ATP2C1: variants seen among roughly 807,000 people sequenced by gnomAD.
ATP2C1 encodes ATPase secretory pathway Ca2+ transporting 1.
In ATP2C1, 31 loss-of-function variants were observed where a neutral mutation model predicts 120.5. The observed-to-expected ratio is 0.26, with a 90% CI of 0.19 to 0.35. The LOEUF (loss-of-function observed/expected upper bound fraction) is 0.35, where lower values mean the gene tolerates loss of function less well. Ranked by LOEUF, ATP2C1 falls within the 10% of genes least tolerant of loss-of-function variation. ATP2C1 has a pLI of 1.00. For synonymous variants in ATP2C1, 351 were observed against 358.7 expected, an observed-to-expected ratio of 0.98 and a Z score of 0.24; for missense variants, 731 against 1,107.5, an observed-to-expected ratio of 0.66 and a Z score of 4.83.
At chr3:130,886,011 T>A (rs1365135148) in intron 1 of ATP2C1, among the ~76,000 whole-genome samples, 1 of 152,224 alleles carries the variant, frequency 6.6e-6, no homozygotes, top group African/African-American at 2.4e-5. Flanking sequence ...TAACATTTAT[T>A]TTAGGACAAA....
chr3:131,010,991 T>C (rs913550011), intron 26 of ATP2C1, among the ~76,000 whole-genome samples: 2 of 152,252 alleles, frequency 1.3e-5, no homozygotes, highest in African/African-American at 4.8e-5. Flanking sequence ...CTTGTTATTG[T>C]ATCTTTTACA....
At chr3:130,879,413 G>T (rs1264181052) in intron 1 of ATP2C1, among the ~76,000 whole-genome samples, 2 of 151,902 alleles carry the variant, frequency 1.3e-5, no homozygotes, top group African/African-American at 4.8e-5. Flanking sequence ...TACCTCTGTT[G>T]AATTTTTCAT....
chr3:130,976,375 C>T (rs1412811934), intron 18 of ATP2C1, among the ~76,000 whole-genome samples: 1 of 152,094 alleles, frequency 6.6e-6, no homozygotes, highest in African/African-American at 2.4e-5. Flanking sequence ...TGCCATTGCC[C>T]TTCTCTCTGA....
intron 26 of ATP2C1, chr3:131,014,457 A>G (rs2063493097): frequency 1.1e-5 from 16 of 1,424,674 alleles, no homozygotes; most frequent in Non-Finnish European, 1.5e-5. Flanking sequence ...TACCATTGAC[A>G]TAGCTTCAAC....
intron 2 of ATP2C1, among the ~76,000 whole-genome samples, chr3:130,923,577 C>T (rs2059063044): frequency 6.7e-6 from 1 of 149,914 alleles, no homozygotes; most frequent in African/African-American, 2.4e-5. Flanking sequence ...ATAAGAATAA[C>T]TACTTCTAGG....
Position 131,002,296 on chromosome 3 carries a change from T to A in ATP2C1, c.*946T>A. On this transcript the variant is annotated 3_prime_UTR_variant, in exon 28 of 28. Coordinates refer to ENST00000510168, the MANE Select transcript of ATP2C1 (RefSeq NM_001378687.1). ...ATTATTTTTACTGTTATGTATGTTT[T>A]TAATCATATTTCTTAGGAAGTATAG... 1.0e-6 allele frequency: 1 copy of A among 980,920 alleles called. No individual in the cohort carries two copies. Among genetic ancestry groups the A allele is most frequent in the Non-Finnish European group, 1.2e-6 (1 of 825,800 alleles). 60.8% of individuals were successfully genotyped at this position (980,920 alleles called of 1,614,324 possible).
At chr3:130,942,809 T>C (rs2059979950) in intron 8 of ATP2C1, among the ~76,000 whole-genome samples, 1 of 152,206 alleles carries the variant, frequency 6.6e-6, no homozygotes, top group African/African-American at 2.4e-5. Context: ...TTCCTAATAT[T>C]TTGCCGATGA....
chr3:130,871,420 C>A (rs1421404904), intron 1 of ATP2C1, among the ~76,000 whole-genome samples: 1 of 152,228 alleles, frequency 6.6e-6, no homozygotes, highest in Non-Finnish European at 1.5e-5. Flanking sequence ...TGCTGGGCCC[C>A]ACCTCCAGAG....
chr3:130,902,284 GTTTT>G (rs1157956407), intron 2 of ATP2C1, among the ~76,000 whole-genome samples: 4 of 65,504 alleles, frequency 6.1e-5, no homozygotes, highest in African/African-American at 2.3e-4. Flanking sequence ...AAGGCTTCAC[GTTTT>G]TTTTTTTTGT....
chr3:130,936,458 C>G (rs2059674260), intron 5 of ATP2C1, among the ~76,000 whole-genome samples: 1 of 152,174 alleles, frequency 6.6e-6, no homozygotes, highest in Non-Finnish European at 1.5e-5. Context: ...GTAACTAGCA[C>G]TTGAGTTTTG....
chr3:130,949,720 A>G (rs2108515813), intron 8 of ATP2C1, among the ~76,000 whole-genome samples: 2 of 152,104 alleles, frequency 1.3e-5, no homozygotes, highest in East Asian at 1.9e-4. Context: ...TATCGTTTTC[A>G]GTAATACGTA....
chr3:130,946,373 G>A (rs1417707554), intron 8 of ATP2C1, among the ~76,000 whole-genome samples: 1 of 152,196 alleles, frequency 6.6e-6, no homozygotes, highest in Non-Finnish European at 1.5e-5. Flanking sequence ...AGTTTCTGGT[G>A]TTTTCAGGGC....
intron 1 of ATP2C1, among the ~76,000 whole-genome samples, chr3:130,881,440 C>T (rs1011865680): frequency 6.6e-5 from 10 of 152,004 alleles, no homozygotes; most frequent in African/African-American, 2.2e-4. Flanking sequence ...CTCACCACAG[C>T]CTTGTCCTCC....
rs1024903119 is a variant in ATP2C1 at position 131,002,737 on chromosome 3, C to T, written c.*1387C>T. ...TTATAATCTGTCAGGATGAACCACT[C>T]CTTAGCTTTTATCCAATATTAAACT... is the stretch of plus-strand genomic sequence containing the variant. On this transcript the variant is annotated 3_prime_UTR_variant, in exon 28 of 28. Coordinates refer to ENST00000510168, the MANE Select transcript of ATP2C1 (RefSeq NM_001378687.1). 3.0e-6 allele frequency: 3 copies of T among 985,332 alleles called. No homozygotes were observed. The highest frequency in any genetic ancestry group is 3.6e-6 in the Non-Finnish European group (3 of 829,858). 61.0% of individuals were successfully genotyped at this position (985,332 alleles called of 1,614,324 possible).
intron 2 of ATP2C1, among the ~76,000 whole-genome samples, chr3:130,917,932 G>C (rs1350947798): frequency 6.6e-6 from 1 of 150,708 alleles, no homozygotes; most frequent in Admixed American, 6.6e-5. Flanking sequence ...ACTTAGCATG[G>C]TGTCCTCAAG....
At chr3:130,971,715 C>T (rs1377717153) in intron 17 of ATP2C1, among the ~76,000 whole-genome samples, 1 of 152,032 alleles carries the variant, frequency 6.6e-6, no homozygotes, top group African/African-American at 2.4e-5. Context: ...AATAAGGAAC[C>T]AATAGAACTC....
chr3:130,853,802 G>C lies in ATP2C1; in HGVS notation c.108+2874G>C, dbSNP rs528534150. ...GACACTGGATGTTATCTTGTTCTTT[G>C]TTCCCTGAGGCATACTGGAGCCTGG... On this transcript the variant is annotated intron_variant, in intron 1 of 26. Transcript: ENST00000504381. Among the ~76,000 whole-genome samples, 25 of 152,222 alleles carry C rather than the reference G, an allele frequency of 1.6e-4. 1 individual carries two copies. The South Asian group carries it at 5.0e-3, about 30-fold the overall frequency.
chr3:130,969,267 T>A (rs763629052), intron 16 of ATP2C1, 25 bp from the exon 17 acceptor site: 5 of 1,521,756 alleles, frequency 3.3e-6, no homozygotes, highest in Admixed American at 1.7e-5. Flanking sequence ...TAGGTGAGAA[T>A]TAACTTTCTC....
chr3:130,955,980 C>G, intron 10 of ATP2C1, 124 bp from the exon 11 acceptor site: 1 of 712,162 alleles, frequency 1.4e-6, no homozygotes, highest in Non-Finnish European at 2.6e-6. Context: ...GATTATTTAC[C>G]TTATGGGAGA....
Sources: allele counts gnomAD v4.1 joint callset (sites outside exome capture counted in the v4.1 genomes callset), GRCh38; gene constraint gnomAD v4.1.1; transcripts MANE v1.5; gene names NCBI Gene and HGNC (gene_info 2026-07-23, HGNC 2026-07-21).